The following ATXN7L1 variants were observed in gnomAD, a reference collection of about 807,000 sequenced individuals.
ATXN7L1 encodes ataxin 7 like 1, also known as ataxin-7-like protein 1.
Under a neutral mutation model 70.8 loss-of-function variants are expected in ATXN7L1, and 15 were observed. The ratio of observed to expected loss-of-function variants is 0.21; its 90% CI spans 0.14 to 0.33. The LOEUF (loss-of-function observed/expected upper bound fraction) is 0.33. ATXN7L1 is among the 10% of genes least tolerant of loss of function. The probability of loss-of-function intolerance (pLI) is 1.00; values close to 1 mark genes in which losing one functional copy is unlikely to be tolerated. For missense variants in ATXN7L1, 975 were observed against 1,097.1 expected (o/e 0.89, Z 1.57); for synonymous variants, 440 against 445.1 (o/e 0.99, Z 0.14).
At chr7:105,867,175 C>T (rs1163322624) in intron 2 of ATXN7L1, among the ~76,000 whole-genome samples, 1 of 152,138 alleles carries the variant, frequency 6.6e-6, no homozygotes, top group East Asian at 1.9e-4. Flanking sequence ...GTCAGAAGGC[C>T]TCAGGAATCA....
intron 3 of ATXN7L1, among the ~76,000 whole-genome samples, chr7:105,740,770 T>TG: frequency 3.1e-5 from 3 of 97,464 alleles, no homozygotes; most frequent in African/African-American, 5.4e-5. Context: ...GCTCCATTCA[T>TG]TTTTTTTTTT....
intron 2 of ATXN7L1, among the ~76,000 whole-genome samples, chr7:105,808,219 T>C (rs1807901066): frequency 1.3e-5 from 2 of 152,210 alleles, no homozygotes; most frequent in Non-Finnish European, 2.9e-5. Flanking sequence ...GGCATGCTTT[T>C]GCCATTTGTC....
chr7:105,692,778 C>T (rs1348800923), intron 3 of ATXN7L1, among the ~76,000 whole-genome samples: 1 of 152,058 alleles, frequency 6.6e-6, no homozygotes, highest in Non-Finnish European at 1.5e-5. Flanking sequence ...TGCTCTGCCA[C>T]CCAGGCTGAA....
intron 3 of ATXN7L1, among the ~76,000 whole-genome samples, chr7:105,739,327 T>A (rs1227411486): frequency 6.6e-6 from 1 of 152,120 alleles, no homozygotes; most frequent in Admixed American, 6.5e-5. Context: ...CCCAGACCCA[T>A]GGAAGAAGAA....
At chr7:105,652,083 C>T (rs1799934341) in intron 4 of ATXN7L1, among the ~76,000 whole-genome samples, 1 of 152,014 alleles carries the variant, frequency 6.6e-6, no homozygotes, top group Non-Finnish European at 1.5e-5. Flanking sequence ...AGTCCTAGTG[C>T]CCTAGGACTG....
In ATXN7L1 at chr7:105,700,336, T is replaced by A. The variant is rs139345719; in HGVS notation, c.356-35048A>T. Reference sequence around the variant, plus strand: ...GCCTGGCCGACATGGTGAAACCCCATCTCTACTAAAAATACAAAAAATTAG... The same window carrying A: ...GCCTGGCCGACATGGTGAAACCCCAACTCTACTAAAAATACAAAAAATTAG... On this transcript the variant is annotated intron_variant, in intron 3 of 11. Transcript: ENST00000419735. 4.0e-5 allele frequency among the ~76,000 whole-genome samples: 6 copies of A among 151,386 alleles called. No homozygotes were observed. The East Asian group carries it at 9.8e-4, about 25-fold the overall frequency.
chr7:105,785,535 G>A (rs927889556), intron 3 of ATXN7L1, among the ~76,000 whole-genome samples: 13 of 152,044 alleles, frequency 8.6e-5, no homozygotes, highest in South Asian at 2.1e-4. Context: ...TCTGGCACTC[G>A]GCACACTGGC....
At chr7:105,690,002 G>A (rs948173093) in intron 3 of ATXN7L1, among the ~76,000 whole-genome samples, 1 of 152,122 alleles carries the variant, frequency 6.6e-6, no homozygotes, top group African/African-American at 2.4e-5. Context: ...AGGAGACAGG[G>A]CACTTCTTTT....
chr7:105,733,589 TCCA>T (rs1796900918), intron 3 of ATXN7L1, among the ~76,000 whole-genome samples: 1 of 108,284 alleles, frequency 9.2e-6, no homozygotes, highest in African/African-American at 3.9e-5. Context: ...CACCCATCCA[TCCA>T]TCCATCCATC....
chr7:105,864,802 T>A (rs1230242481), intron 2 of ATXN7L1, among the ~76,000 whole-genome samples: 1 of 151,902 alleles, frequency 6.6e-6, no homozygotes, highest in Non-Finnish European at 1.5e-5. Flanking sequence ...CCTGGCTAAT[T>A]TTTGTATTTT....
chr7:105,649,629 A>G (rs1423343316), intron 4 of ATXN7L1: 4 of 961,128 alleles, frequency 4.2e-6, no homozygotes, highest in Non-Finnish European at 5.0e-6. Context: ...CCGCAGGGCC[A>G]GCTGCCCACC....
intron 11 of ATXN7L1, 70 bp from the exon 12 acceptor site, chr7:105,607,960 T>C: frequency 7.2e-7 from 1 of 1,379,338 alleles, no homozygotes; most frequent in South Asian, 1.2e-5. Flanking sequence ...AATTCAAGGA[T>C]GGAGACTTAG....
intron 2 of ATXN7L1, among the ~76,000 whole-genome samples, chr7:105,810,697 C>T (rs143725504): frequency 1.2e-4 from 18 of 152,292 alleles, no homozygotes; most frequent in Admixed American, 5.2e-4. Context: ...CAGGAGCCAA[C>T]GCGAGCCAGC....
intron 8 of ATXN7L1, among the ~76,000 whole-genome samples, chr7:105,621,900 G>GT (rs1794993003): frequency 2.0e-5 from 3 of 152,202 alleles, no homozygotes; most frequent in Admixed American, 6.5e-5. Context: ...GTTTTGGGGG[G>GT]TTTCGCATTA....
At chr7:105,815,331 A>G (rs1433607701) in intron 2 of ATXN7L1, among the ~76,000 whole-genome samples, 1 of 152,212 alleles carries the variant, frequency 6.6e-6, no homozygotes, top group Admixed American at 6.5e-5. Flanking sequence ...CTTATTATTA[A>G]GAGTTGTGTG....
intron 2 of ATXN7L1, among the ~76,000 whole-genome samples, chr7:105,872,978 C>T (rs1351872754): frequency 6.6e-6 from 1 of 151,984 alleles, no homozygotes; most frequent in Non-Finnish European, 1.5e-5. Context: ...CACGGTGAAA[C>T]CCCATCTCTA....
intron 3 of ATXN7L1, among the ~76,000 whole-genome samples, chr7:105,708,724 C>T (rs1368512480): frequency 6.6e-6 from 1 of 152,194 alleles, no homozygotes; most frequent in Admixed American, 6.5e-5. Flanking sequence ...TCATTAGTAA[C>T]AATCAAAAGA....
chr7:105,827,760 T>C lies in ATXN7L1; in HGVS notation c.251-39052A>G, dbSNP rs570283429. Among the ~76,000 whole-genome samples, 17 of 152,330 alleles carry C rather than the reference T, an allele frequency of 1.1e-4. 1 individual carries two copies. Among genetic ancestry groups the C allele is most frequent in the Admixed American group, 8.5e-4 (13 of 15,308 alleles). On this transcript the variant is annotated intron_variant, in intron 2 of 11. Transcript: ENST00000419735. Reference sequence around the variant, plus strand: ...TAGCTACTATAGATCCACAATCCCTTATCCAAAGCTCTTGGGCTTAGTGGT... The same window carrying C: ...TAGCTACTATAGATCCACAATCCCTCATCCAAAGCTCTTGGGCTTAGTGGT...
chr7:105,780,794 T>C (rs1803417553), intron 3 of ATXN7L1, among the ~76,000 whole-genome samples: 1 of 152,202 alleles, frequency 6.6e-6, no homozygotes, highest in Non-Finnish European at 1.5e-5. Flanking sequence ...TGCATGTATG[T>C]GTGATGGGGA....
Sources: allele counts gnomAD v4.1 joint callset (sites outside exome capture counted in the v4.1 genomes callset), GRCh38; gene constraint gnomAD v4.1.1; transcripts MANE v1.5; gene names NCBI Gene and HGNC (gene_info 2026-07-23, HGNC 2026-07-21).